Variants in ANKFN1 observed in about 807,000 individuals in gnomAD.
ANKFN1 encodes the protein ankyrin repeat and fibronectin type-III domain-containing protein 1.
Under a neutral mutation model 108.7 loss-of-function variants are expected in ANKFN1, and 74 were observed. The observed-to-expected ratio is 0.68, with a 90% CI of 0.56 to 0.83. The LOEUF (loss-of-function observed/expected upper bound fraction) is 0.83, where lower values mean the gene tolerates loss of function less well. ANKFN1 is among the 40% of genes least tolerant of loss of function. ANKFN1 has a pLI of 0.00. For synonymous variants in ANKFN1, 547 were observed against 516.2 expected (o/e 1.06, Z -0.81); for missense variants, 1,505 against 1,382.3 (o/e 1.09, Z -1.41).
At chr17:56,114,192 T>C (rs1019433335) in intron 4 of ANKFN1, among the ~76,000 whole-genome samples, 7 of 152,242 alleles carry the variant, frequency 4.6e-5, no homozygotes, top group African/African-American at 9.6e-5. Flanking sequence ...AGAATGAGTC[T>C]GCAAAAGCAC....
At position 56,511,024 on chromosome 17, in the gene ANKFN1, C is replaced by T; in HGVS notation, c.3196C>T (p.Leu1066=). The T allele has an allele frequency of 6.5e-7, 1 of 1,535,996 alleles. No individual in the cohort carries two copies. Among genetic ancestry groups the T allele is most frequent in the Non-Finnish European group, 8.7e-7 (1 of 1,146,878 alleles). ...CCTTGATGATCCCAGGGGCCTAACT[C>T]TGGCCCACGCTGCCAGCCTTCCTGA... The part of the protein sequence containing the change: ...PALDDPRGLT[L]AHAASLPEER... The change falls in exon 21 of 21, where the codon CTG becomes TTG. Residue 1066 remains leucine, a synonymous_variant. Transcript: ENST00000682825.
intron 11 of ANKFN1, among the ~76,000 whole-genome samples, chr17:56,455,428 G>A (rs2049651792): frequency 6.6e-6 from 1 of 152,210 alleles, no homozygotes; most frequent in African/African-American, 2.4e-5. Context: ...ACCAACGTAA[G>A]CTTGAAACTG....
intron 1 of ANKFN1, among the ~76,000 whole-genome samples, chr17:56,155,127 G>A (rs974751405): frequency 2.0e-5 from 3 of 152,194 alleles, no homozygotes; most frequent in African/African-American, 7.2e-5. Context: ...GCAGACAGAG[G>A]AGGAAGTAGA....
At chr17:56,404,386 A>C (rs1449950271) in intron 8 of ANKFN1, among the ~76,000 whole-genome samples, 1 of 152,046 alleles carries the variant, frequency 6.6e-6, no homozygotes, top group Non-Finnish European at 1.5e-5. Context: ...TTGTTAGATT[A>C]GGTTAATTTG....
chr17:56,306,265 T>G (rs768817573), intron 3 of ANKFN1, among the ~76,000 whole-genome samples: 8 of 152,248 alleles, frequency 5.3e-5, no homozygotes, highest in Non-Finnish European at 1.0e-4. Flanking sequence ...ATCTTTACTA[T>G]GTTGAATCTT....
At chr17:56,355,051 G>T (rs1028803859) in intron 6 of ANKFN1, among the ~76,000 whole-genome samples, 6 of 152,094 alleles carry the variant, frequency 3.9e-5, no homozygotes, top group African/African-American at 9.7e-5. Flanking sequence ...ATGTTGGAAT[G>T]GTTAACAGTT....
chr17:56,514,899 G>A lies in ANKFN1; in HGVS notation c.*3630G>A, dbSNP rs543018886. 3.3e-5 allele frequency among the ~76,000 whole-genome samples: 5 copies of A among 152,126 alleles called. No individual in the cohort carries two copies. The highest frequency in any genetic ancestry group is 6.5e-5 in the Admixed American group (1 of 15,290). On this transcript the variant is annotated 3_prime_UTR_variant, in exon 21 of 21. Coordinates refer to ENST00000682825, the MANE Select transcript of ANKFN1 (RefSeq NM_001370326.1). ...AAGTGGAAAAGAGGACTGGACCCTC[G>A]TTCATTGTTATCCTGCCACACAAAT...
intron 1 of ANKFN1, among the ~76,000 whole-genome samples, chr17:56,184,190 T>C (rs1465724640): frequency 6.6e-6 from 1 of 152,142 alleles, no homozygotes; most frequent in Non-Finnish European, 1.5e-5. Context: ...AAATATTTTG[T>C]GAAAGGAAAA....
chr17:56,250,586 C>G (rs945228920), intron 3 of ANKFN1, among the ~76,000 whole-genome samples: 1 of 152,222 alleles, frequency 6.6e-6, no homozygotes, highest in Non-Finnish European at 1.5e-5. Flanking sequence ...CTATGCCACA[C>G]AAACTAGATC....
In ANKFN1 at chr17:56,514,521, A is replaced by G. The variant is rs2145512935; in HGVS notation, c.*3252A>G. Reference sequence around the variant, plus strand: ...GAAGTATATGTTTGGCAACTACTTAACAAAGCTAAAACATCCTCTTAATTG... The same window carrying G: ...GAAGTATATGTTTGGCAACTACTTAGCAAAGCTAAAACATCCTCTTAATTG... On this transcript the variant is annotated 3_prime_UTR_variant, in exon 21 of 21. Coordinates refer to ENST00000682825, the MANE Select transcript of ANKFN1 (RefSeq NM_001370326.1). Among the ~76,000 whole-genome samples, 1 of 152,348 alleles carries G rather than the reference A, an allele frequency of 6.6e-6. No homozygotes were observed. The highest frequency in any genetic ancestry group is 1.9e-4 in the East Asian group (1 of 5,178).
chr17:56,170,795 T>C lies in ANKFN1; in HGVS notation c.-71+17265T>C, dbSNP rs1567816144. The stretch of plus-strand genomic sequence containing the variant: ...TTTTTTATATATATATATATATATA[T>C]ATATATATATATACACACACACACA... On this transcript the variant is annotated intron_variant, in intron 1 of 20. Transcript: ENST00000682825. Among the ~76,000 whole-genome samples, 19 of 62,256 alleles carry C rather than the reference T, an allele frequency of 3.1e-4. 1 individual carries two copies. The South Asian group carries it at 0.014, about 45-fold the overall frequency. The allele number at this position is 62,256 out of a possible 152,430, so 40.8% of individuals were successfully genotyped here.
At chr17:56,434,107 A>G (rs933843356) in intron 8 of ANKFN1, among the ~76,000 whole-genome samples, 1 of 152,210 alleles carries the variant, frequency 6.6e-6, no homozygotes, top group Admixed American at 6.5e-5. Flanking sequence ...CAAATGGTTC[A>G]GACTATGGAG....
chr17:56,344,791 T>C (rs1293564974), intron 4 of ANKFN1, among the ~76,000 whole-genome samples: 1 of 152,058 alleles, frequency 6.6e-6, no homozygotes, highest in Non-Finnish European at 1.5e-5. Context: ...ATGACAGTTC[T>C]CTGGAAGAGG....
At chr17:56,496,701 C>T (rs577603646) in intron 19 of ANKFN1, among the ~76,000 whole-genome samples, 84 of 152,006 alleles carry the variant, frequency 5.5e-4, no homozygotes, top group Non-Finnish European at 1.1e-3. Flanking sequence ...CCAAGATAAA[C>T]GCCTCCTCTC....
At chr17:56,297,179 C>T (rs2044536559) in intron 3 of ANKFN1, among the ~76,000 whole-genome samples, 1 of 152,174 alleles carries the variant, frequency 6.6e-6, no homozygotes. Flanking sequence ...GATCATTGGC[C>T]TCTGAAGCTC....
intron 1 of ANKFN1, among the ~76,000 whole-genome samples, chr17:56,165,190 A>G (rs929962700): frequency 5.3e-5 from 8 of 152,224 alleles, no homozygotes; most frequent in African/African-American, 1.7e-4. Context: ...ATCCAAATGC[A>G]GATTCCTTTA....
chr17:56,151,989 G>T (rs867599379), upstream of ANKFN1, among the ~76,000 whole-genome samples: 3 of 14,686 alleles, frequency 2.0e-4, no homozygotes, highest in Non-Finnish European at 3.1e-4. Flanking sequence ...AAGTATTAAA[G>T]AGTTTTTTTT....
At chr17:56,467,791 G>GAAAGAAAGAAGAAAGAAAGAAAGA (rs11414270) in intron 15 of ANKFN1, among the ~76,000 whole-genome samples, 1 of 55,020 alleles carries the variant, frequency 1.8e-5, no homozygotes, top group Non-Finnish European at 4.1e-5. Flanking sequence ...AAGAAAGAAA[G>GAAAGAAAGAAGAAAGAAAGAAAGA]AAGAAAGAAA....
chr17:56,072,165 G>T (rs145954186), intron 4 of ANKFN1, among the ~76,000 whole-genome samples: 279 of 152,272 alleles, frequency 1.8e-3, no homozygotes, highest in African/African-American at 6.0e-3. Context: ...TGTATTGGTA[G>T]TTATATCTCT....
Sources: allele counts gnomAD v4.1 joint callset (sites outside exome capture counted in the v4.1 genomes callset), GRCh38; gene constraint gnomAD v4.1.1; transcripts MANE v1.5; gene names NCBI Gene and HGNC (gene_info 2026-07-23, HGNC 2026-07-21).